KSR2: variants seen among roughly 807,000 people sequenced by gnomAD.
The protein encoded by KSR2 is kinase suppressor of ras 2.
A neutral mutation model predicts 107.8 loss-of-function variants in KSR2; 25 were observed. The observed-to-expected ratio is 0.23, with a 90% CI of 0.17 to 0.32. KSR2 has a LOEUF of 0.32. Among genes scored for constraint, KSR2 ranks in the 10% least tolerant of loss-of-function variants. The pLI is 1.00. For synonymous variants in KSR2, 480 were observed against 507.0 expected (o/e 0.95, Z 0.71); for missense variants, 887 against 1,268.9 (o/e 0.70, Z 4.57).
intron 5 of KSR2, among the ~76,000 whole-genome samples, chr12:117,636,002 G>T (rs1277090406): frequency 3.3e-5 from 5 of 152,150 alleles, no homozygotes; most frequent in Admixed American, 3.3e-4. Context: ...ATGTTGGCCA[G>T]GCTGGTCTTG....
At chr12:117,493,798 G>T (rs1872874446) in intron 14 of KSR2, among the ~76,000 whole-genome samples, 1 of 152,118 alleles carries the variant, frequency 6.6e-6, no homozygotes, top group East Asian at 1.9e-4. Flanking sequence ...TGAATCATGG[G>T]GGTGAGTCTT....
chr12:117,489,548 CA>C (rs11358177), intron 14 of KSR2, among the ~76,000 whole-genome samples: 29,534 of 87,204 alleles, frequency 0.34, 2,537 homozygotes, highest in African/African-American at 0.36. Context: ...GACCCTGTCT[CA>C]AAAAAAAAAA....
intron 3 of KSR2, among the ~76,000 whole-genome samples, chr12:117,821,275 T>C (rs1190086712): frequency 4.6e-5 from 7 of 152,192 alleles, no homozygotes; most frequent in African/African-American, 1.7e-4. Flanking sequence ...TTTAACTGCA[T>C]GGGTCTACTT....
intron 1 of KSR2, among the ~76,000 whole-genome samples, chr12:117,951,553 G>A (rs1896364999): frequency 6.6e-6 from 1 of 152,142 alleles, no homozygotes; most frequent in Non-Finnish European, 1.5e-5. Flanking sequence ...CTGGGTAGGG[G>A]AGGTGGACAG....
rs1889367953 is a variant in KSR2 at position 117,769,722 on chromosome 12, T to C, written c.473-8198A>G. Among the ~76,000 whole-genome samples the C allele has an allele frequency of 2.0e-5, 3 of 152,218 alleles. No individual in the cohort carries two copies. The South Asian group carries it at 6.2e-4, about 31-fold the overall frequency. The stretch of plus-strand genomic sequence containing the variant: ...AGGATTAAATAAATGCATACAGTGC[T>C]TTTCATTTTGAGCCTGACACAGAGC... On this transcript the variant is annotated intron_variant, in intron 3 of 19. Coordinates refer to ENST00000339824, the MANE Select transcript of KSR2 (RefSeq NM_173598.6).
Position 117,484,532 on chromosome 12 carries a change from G to A in KSR2, c.2334C>T (p.His778=), listed in dbSNP as rs377527320. The A allele has an allele frequency of 2.3e-5, 37 of 1,613,902 alleles. No individual in the cohort carries two copies. The highest frequency in any genetic ancestry group is 6.7e-5 in the Admixed American group (4 of 60,020). Residue 778 remains histidine, a synonymous_variant, in exon 16 of 20, where the codon CAC becomes CAT. Coordinates refer to ENST00000339824, the MANE Select transcript of KSR2 (RefSeq NM_173598.6). Reference sequence around the variant, plus strand: ...GGTCCTTGTGTAGGATTCCCTTGGCGTGGAGGTAGCCCATGCCCTGCAAGA... The same window carrying A: ...GGTCCTTGTGTAGGATTCCCTTGGCATGGAGGTAGCCCATGCCCTGCAAGA... ...QEIVKGMGYL[H]AKGILHKDLK...
chr12:117,875,615 T>A (rs1893816575), intron 1 of KSR2, among the ~76,000 whole-genome samples: 1 of 152,136 alleles, frequency 6.6e-6, no homozygotes, highest in Admixed American at 6.5e-5. Flanking sequence ...CACCCCATAA[T>A]CGCTGCCTTC....
intron 7 of KSR2, among the ~76,000 whole-genome samples, chr12:117,569,886 CT>C (rs1878765188): frequency 6.6e-6 from 1 of 152,194 alleles, no homozygotes; most frequent in Admixed American, 6.5e-5. Context: ...GGTCAAGCAA[CT>C]GCAAGTTCAC....
At chr12:117,787,632 CA>C (rs1012017783) in intron 3 of KSR2, among the ~76,000 whole-genome samples, 7 of 144,658 alleles carry the variant, frequency 4.8e-5, no homozygotes, top group South Asian at 2.2e-4. Context: ...GACTCCATCT[CA>C]AAAAAAAAAG....
At chr12:117,497,693 G>A (rs1022161877) in intron 14 of KSR2, among the ~76,000 whole-genome samples, 7 of 152,172 alleles carry the variant, frequency 4.6e-5, no homozygotes, top group African/African-American at 1.4e-4. Context: ...GAGATAATCC[G>A]CCACTTCCTG....
At chr12:117,785,087 G>A (rs1208867594) in intron 3 of KSR2, among the ~76,000 whole-genome samples, 2 of 152,144 alleles carry the variant, frequency 1.3e-5, no homozygotes. Flanking sequence ...ATATGCCAAA[G>A]ACCAGGAAAA....
chr12:117,646,111 TG>T (rs1883625507), intron 5 of KSR2, among the ~76,000 whole-genome samples: 1 of 152,210 alleles, frequency 6.6e-6, no homozygotes, highest in Non-Finnish European at 1.5e-5. Flanking sequence ...TGTACATAGT[TG>T]TTATACTCTA....
At chr12:117,511,878 C>T (rs775339806) in intron 14 of KSR2, among the ~76,000 whole-genome samples, 1 of 152,172 alleles carries the variant, frequency 6.6e-6, no homozygotes, top group Non-Finnish European at 1.5e-5. Context: ...GTCTCAGCGA[C>T]CCCACACTGC....
At chr12:117,577,121 A>C (rs192408815) in intron 7 of KSR2, among the ~76,000 whole-genome samples, 6 of 152,080 alleles carry the variant, frequency 3.9e-5, no homozygotes, top group Non-Finnish European at 8.8e-5. Flanking sequence ...TCTCACTTCT[A>C]TCTTGGGGCA....
chr12:117,783,711 T>G lies in KSR2; in HGVS notation c.473-22187A>C, dbSNP rs920600168. Among the ~76,000 whole-genome samples the G allele has an allele frequency of 1.3e-4, 20 of 152,224 alleles. No individual in the cohort carries two copies. The South Asian group carries it at 2.7e-3, about 21-fold the overall frequency. ...TTCATCTGTCAGTTTTGGCCAAAAGTTGGCAGGATTTAGGAACTGTGCTTT... is the reference window on the plus strand; with the variant it reads ...TTCATCTGTCAGTTTTGGCCAAAAGGTGGCAGGATTTAGGAACTGTGCTTT... On this transcript the variant is annotated intron_variant, in intron 3 of 19. Transcript: ENST00000339824.
chr12:117,627,023 T>C (rs1477758670), intron 5 of KSR2, among the ~76,000 whole-genome samples: 1 of 146,972 alleles, frequency 6.8e-6, no homozygotes, highest in Non-Finnish European at 1.5e-5. Context: ...TTGCAACCCC[T>C]GCTTTTTTTT....
chr12:117,615,958 C>A (rs1881857794), intron 5 of KSR2, among the ~76,000 whole-genome samples: 1 of 152,016 alleles, frequency 6.6e-6, no homozygotes, highest in Non-Finnish European at 1.5e-5. Flanking sequence ...TTCGAGACCA[C>A]CCTGGGCAAT....
intron 3 of KSR2, among the ~76,000 whole-genome samples, chr12:117,841,058 C>T (rs757918231): frequency 7.0e-4 from 106 of 151,784 alleles, no homozygotes; most frequent in Non-Finnish European, 1.2e-3. Flanking sequence ...ATGGTCAATG[C>T]GGTGCTTTCT....
At chr12:117,602,330 C>G (rs1460011033) in intron 5 of KSR2, among the ~76,000 whole-genome samples, 1 of 152,188 alleles carries the variant, frequency 6.6e-6, no homozygotes, top group African/African-American at 2.4e-5. Flanking sequence ...CTGTATAGTT[C>G]CAAACTATCT....
Sources: allele counts gnomAD v4.1 joint callset (sites outside exome capture counted in the v4.1 genomes callset), GRCh38; gene constraint gnomAD v4.1.1; transcripts MANE v1.5; gene names NCBI Gene and HGNC (gene_info 2026-07-23, HGNC 2026-07-21).